Variants in PIEZO2 observed in about 807,000 individuals in gnomAD.
The protein encoded by PIEZO2 is piezo-type mechanosensitive ion channel component 2.
Under a neutral mutation model 337.3 loss-of-function variants are expected in PIEZO2, and 172 were observed. The ratio of observed to expected loss-of-function variants is 0.51; its 90% CI spans 0.45 to 0.58. The LOEUF is 0.58. PIEZO2 is among the 20% of genes least tolerant of loss of function. The pLI, the probability that PIEZO2 is intolerant of heterozygous loss-of-function variation, is 0.00. For synonymous variants in PIEZO2, 1,251 were observed against 1,228.5 expected (o/e 1.02, Z -0.38); for missense variants, 3,028 against 3,391.3 (o/e 0.89, Z 2.66).
At chr18:11,114,794 A>G (rs2039840157) in intron 1 of PIEZO2, among the ~76,000 whole-genome samples, 1 of 152,204 alleles carries the variant, frequency 6.6e-6, no homozygotes, top group Non-Finnish European at 1.5e-5. Context: ...AGGAATTACC[A>G]CCAAGAGTAA....
intron 3 of PIEZO2, among the ~76,000 whole-genome samples, chr18:10,951,031 A>T (rs750615933): frequency 2.0e-5 from 3 of 152,192 alleles, no homozygotes; most frequent in Non-Finnish European, 4.4e-5. Flanking sequence ...AAAAACACTC[A>T]GGGCACACAA....
chr18:11,146,374 C>T lies in PIEZO2; in HGVS notation c.64+2151G>A, dbSNP rs1311162485. On this transcript the variant is annotated intron_variant, in intron 1 of 55. Transcript: ENST00000674853. This position sits in a 1 kb window ranked among gnomAD's most constrained non-coding sequence, Gnocchi z 6.1. ...CAGCAGGAGGTGAACAGTGTGCGGG[C>T]ACCACAGAAGAAGCTCGGTGGGGGT... Among the ~76,000 whole-genome samples, 1 of 152,140 alleles carries T rather than the reference C, an allele frequency of 6.6e-6. No homozygotes were observed. Among genetic ancestry groups the T allele is most frequent in the Non-Finnish European group, 1.5e-5 (1 of 68,000 alleles).
chr18:11,051,345 A>ACGTGTGTGTGTGTG (rs2037521575), intron 2 of PIEZO2, among the ~76,000 whole-genome samples: 1 of 146,776 alleles, frequency 6.8e-6, no homozygotes. Flanking sequence ...ATCACTTAGG[A>ACGTGTGTGTGTGTG]TGTGTGTGTG....
intron 49 of PIEZO2, among the ~76,000 whole-genome samples, chr18:10,689,060 C>T (rs533830587): frequency 2.6e-4 from 39 of 152,234 alleles, no homozygotes; most frequent in East Asian, 7.7e-4. Flanking sequence ...TATTTTGAGA[C>T]GAGAAAGAAA....
chr18:10,897,837 A>G (rs986144958), intron 4 of PIEZO2, among the ~76,000 whole-genome samples: 4 of 152,240 alleles, frequency 2.6e-5, no homozygotes, highest in Admixed American at 2.6e-4. Context: ...TTTATGTAAT[A>G]CAATAATTTA....
In PIEZO2 at chr18:10,855,934, G is replaced by C. The variant is rs1048171843; in HGVS notation, c.704-368C>G. On this transcript the variant is annotated intron_variant, in intron 6 of 55. Coordinates refer to ENST00000674853, the MANE Select transcript of PIEZO2 (RefSeq NM_001378183.1). The surrounding 1 kb of genome is among the most constrained non-coding windows in gnomAD (Gnocchi z 4.9). ...CAAGAATTCATGTATCTGTATGTCT[G>C]TTCCAACCTTTCCTGACACCATTTT... is the stretch of plus-strand genomic sequence containing the variant. Among the ~76,000 whole-genome samples, 8 of 150,842 alleles carry C rather than the reference G, an allele frequency of 5.3e-5. No individual in the cohort carries two copies. Among genetic ancestry groups the C allele is most frequent in the Non-Finnish European group, 1.2e-4 (8 of 67,856 alleles).
intron 3 of PIEZO2, among the ~76,000 whole-genome samples, chr18:10,957,622 A>C (rs1407236844): frequency 6.6e-6 from 1 of 152,202 alleles, no homozygotes; most frequent in African/African-American, 2.4e-5. Context: ...TTTCTTGGAT[A>C]CAACTCCAAA....
At chr18:10,752,544 C>T in intron 28 of PIEZO2, 92 bp downstream of exon 28, 3 of 1,382,438 alleles carry the variant, frequency 2.2e-6, no homozygotes, top group Non-Finnish European at 1.9e-6. Context: ...AAGAGAGCAA[C>T]ATGACAAGCA....
At chr18:10,703,109 C>G (rs143251579) in intron 42 of PIEZO2, among the ~76,000 whole-genome samples, 4 of 152,306 alleles carry the variant, frequency 2.6e-5, no homozygotes, top group Admixed American at 2.0e-4. Context: ...CTGCCTTGGC[C>G]TCTTAAAGTG....
chr18:10,916,342 G>A (rs2030957784), intron 3 of PIEZO2, among the ~76,000 whole-genome samples: 1 of 152,196 alleles, frequency 6.6e-6, no homozygotes, highest in Admixed American at 6.5e-5. Flanking sequence ...GCAGGGGGCG[G>A]CGCCTGTAGG....
chr18:10,915,355 C>T (rs1187356029), intron 3 of PIEZO2, among the ~76,000 whole-genome samples: 1 of 147,274 alleles, frequency 6.8e-6, no homozygotes, highest in South Asian at 2.3e-4. Context: ...TTCCCAGTTA[C>T]AGGGAAGAAA....
Position 10,853,579 on chromosome 18 carries a change from C to T in PIEZO2, c.917+1774G>A, listed in dbSNP as rs904381023. On this transcript the variant is annotated intron_variant, in intron 7 of 55. Transcript: ENST00000674853. The surrounding 1 kb of genome is among the most constrained non-coding windows in gnomAD (Gnocchi z 4.2). ...CACTGCTAACATTACCATTTCTGTCCCCTTTCTTTTTTCTGGAACTGTCAA... is the reference window on the plus strand; with the variant it reads ...CACTGCTAACATTACCATTTCTGTCTCCTTTCTTTTTTCTGGAACTGTCAA... Among the ~76,000 whole-genome samples the T allele has an allele frequency of 1.6e-4, 25 of 152,080 alleles. No individual in the cohort carries two copies. The highest frequency in any genetic ancestry group is 5.8e-4 in the African/African-American group (24 of 41,412).
At chr18:10,798,621 T>G (rs1458911389) in intron 11 of PIEZO2, among the ~76,000 whole-genome samples, 1 of 152,260 alleles carries the variant, frequency 6.6e-6, no homozygotes, top group African/African-American at 2.4e-5. Context: ...CCAGCTTTTG[T>G]TTCACTTTTG....
rs368940447 is a variant in PIEZO2, at chr18:10,773,377, G to A, written c.2785+35C>T. ...TCCTTCACTCAGTCTGACAGCCAGC[G>A]TTCTCTGACCAGCTGCTGGTAGTGG... is the stretch of plus-strand genomic sequence containing the variant. On this transcript the variant is annotated intron_variant, in intron 20 of 55. Transcript: ENST00000674853. This position sits in a 1 kb window ranked among gnomAD's most constrained non-coding sequence, Gnocchi z 5.3. The A allele has an allele frequency of 7.8e-5, 119 of 1,521,672 alleles. No individual in the cohort carries two copies. Among genetic ancestry groups the A allele is most frequent in the Admixed American group, 2.9e-4 (15 of 50,948 alleles). The allele number at this position is 1,521,672 out of a possible 1,614,324, so 94.3% of individuals were successfully genotyped here. A position where few individuals can be genotyped will look rare whatever the true frequency, so the allele number is the denominator to read the frequency against.
chr18:10,672,721 G>A lies in PIEZO2; in HGVS notation c.8314C>T (p.Pro2772Ser), dbSNP rs2033833034. 1 of 1,614,012 alleles carries A rather than the reference G, an allele frequency of 6.2e-7. No homozygotes were observed. The highest frequency in any genetic ancestry group is 8.5e-7 in the Non-Finnish European group (1 of 1,179,958). ...ELVVFNDKVS[P>S]PSLGFLAGYG... ...CCAGCCAGGAACCCCAGACTTGGGG[G>A]ACTGACTTTGTCATTGAAGACCACC... The change falls in exon 55 of 56, where the codon CCC (proline) becomes TCC (serine). Residue 2772 changes from proline to serine, a missense_variant. This residue lies in a region of PIEZO2 where 332 missense variants were observed against 363.8 expected (regional missense o/e 0.91). Coordinates refer to ENST00000674853, the MANE Select transcript of PIEZO2 (RefSeq NM_001378183.1). This position sits in a 1 kb window ranked among gnomAD's most constrained non-coding sequence, Gnocchi z 4.7.
chr18:10,872,701 C>G lies in PIEZO2; in HGVS notation c.330-1286G>C, dbSNP rs1449541675. 1.3e-5 allele frequency among the ~76,000 whole-genome samples: 2 copies of G among 152,194 alleles called. No homozygotes were observed. The highest frequency in any genetic ancestry group is 2.9e-5 in the Non-Finnish European group (2 of 68,034). ...AGTGCTGTAACCACAGTACCTATTA[C>G]TATTATTAAAGCCACATGAAGAGCG... On this transcript the variant is annotated intron_variant, in intron 4 of 55. Coordinates refer to ENST00000674853, the MANE Select transcript of PIEZO2 (RefSeq NM_001378183.1). The surrounding 1 kb of genome is among the most constrained non-coding windows in gnomAD (Gnocchi z 4.3).
intron 21 of PIEZO2, among the ~76,000 whole-genome samples, chr18:10,765,695 G>C (rs1459556080): frequency 6.6e-6 from 1 of 151,948 alleles, no homozygotes; most frequent in Admixed American, 6.6e-5. Context: ...AGTTCAAAGA[G>C]AGTAGTGAGT....
chr18:10,794,853 A>G lies in PIEZO2; in HGVS notation c.1677T>C (p.Tyr559=), dbSNP rs1446631513. 2 of 1,537,230 alleles carry G rather than the reference A, an allele frequency of 1.3e-6. No homozygotes were observed. Among genetic ancestry groups the G allele is most frequent in the East Asian group, 2.4e-5 (1 of 40,916 alleles). Residue 559 remains tyrosine, a synonymous_variant, in exon 13 of 56, where the codon TAT becomes TAC. Coordinates refer to ENST00000674853, the MANE Select transcript of PIEZO2 (RefSeq NM_001378183.1). This position sits in a 1 kb window ranked among gnomAD's most constrained non-coding sequence, Gnocchi z 6.6. ...VYGNLLLILQ[Y]IWSFELPEIK... The stretch of plus-strand genomic sequence containing the variant: ...TTTCAGGAAGTTCAAAACTCCATAT[A>G]TACTGTAATATCAACAATAGGTTTC...
At position 11,148,072 on chromosome 18, in the gene PIEZO2, G is replaced by T. The variant is rs919481970; in HGVS notation, c.64+453C>A. On this transcript the variant is annotated intron_variant, in intron 1 of 55. Transcript: ENST00000674853. This position sits in a 1 kb window ranked among gnomAD's most constrained non-coding sequence, Gnocchi z 5.2. ...CGGAGTCCTTCACTTCTTCCTTCAC[G>T]GTTGCTGGGATTTGGGGTCTGGGAG... Among the ~76,000 whole-genome samples the T allele has an allele frequency of 6.6e-6, 1 of 152,114 alleles. No homozygotes were observed. Among genetic ancestry groups the T allele is most frequent in the African/African-American group, 2.4e-5 (1 of 41,484 alleles).
Sources: allele counts gnomAD v4.1 joint callset (sites outside exome capture counted in the v4.1 genomes callset), GRCh38; gene constraint gnomAD v4.1.1; regional missense constraint gnomAD v4.1.1; non-coding constraint Gnocchi (gnomAD v3.1); transcripts MANE v1.5; gene names NCBI Gene and HGNC (gene_info 2026-07-23, HGNC 2026-07-21).